Variants in AVEN observed in about 807,000 individuals in gnomAD.
AVEN encodes apoptosis and caspase activation inhibitor, also known as cell death regulator Aven.
AVEN carries 41 observed loss-of-function variants against 38.1 expected under a neutral mutation model. The observed-to-expected ratio is 1.08, with a 90% confidence interval of 0.84 to 1.40. AVEN has a LOEUF of 1.40. Among genes scored for constraint, AVEN ranks in the 40% most tolerant of loss-of-function variants. AVEN has a pLI of 0.00. For synonymous variants in AVEN, 206 were observed against 171.8 expected, an observed-to-expected ratio of 1.20 and a Z score of -1.56; for missense variants, 605 against 438.8, an observed-to-expected ratio of 1.38 and a Z score of -3.38.
At chr15:33,989,573 A>G (rs1567452249) in intron 2 of AVEN, among the ~76,000 whole-genome samples, 1 of 152,158 alleles carries the variant, frequency 6.6e-6, no homozygotes, top group Non-Finnish European at 1.5e-5. Flanking sequence ...ACTACTGAAA[A>G]GATGCCTTTC....
intron 2 of AVEN, among the ~76,000 whole-genome samples, chr15:33,959,777 G>T (rs1336759678): frequency 6.6e-6 from 1 of 152,174 alleles, no homozygotes; most frequent in Non-Finnish European, 1.5e-5. Flanking sequence ...GTTTAGTGGA[G>T]ATCAGAAAGA....
Position 33,870,642 on chromosome 15 carries a change from C to T in AVEN, c.612+293G>A, listed in dbSNP as rs192047033. Among the ~76,000 whole-genome samples, 226 of 152,304 alleles carry T rather than the reference C, an allele frequency of 1.5e-3. 1 individual carries two copies. Among genetic ancestry groups the T allele is most frequent in the African/African-American group, 4.9e-3 (203 of 41,564 alleles). ...TCACCACTGTGTCCCTAGTGCCGAA[C>T]ATAGAGCGTGATGCGTAAATATTTT... On this transcript the variant is annotated intron_variant, in intron 4 of 5. Transcript: ENST00000306730.
Position 33,866,280 on chromosome 15 carries a change from A to G in AVEN, c.*333T>C, listed in dbSNP as rs532541275. The stretch of plus-strand genomic sequence containing the variant: ...CCAAATGCATGCCTTGTTTGCATCT[A>G]TTCTCTTAATCAGCAGCAGCATCTG... On this transcript the variant is annotated 3_prime_UTR_variant, in exon 6 of 6. Transcript: ENST00000306730. 1 of 256,002 alleles carries G rather than the reference A, an allele frequency of 3.9e-6. No individual in the cohort carries two copies. Among genetic ancestry groups the G allele is most frequent in the East Asian group, 8.2e-5 (1 of 12,226 alleles). The allele number at this position is 256,002 out of a possible 1,614,324, so 15.9% of individuals were successfully genotyped here.
chr15:33,944,265 G>GA (rs1894426428), intron 2 of AVEN, among the ~76,000 whole-genome samples: 3 of 152,148 alleles, frequency 2.0e-5, no homozygotes, highest in Admixed American at 2.0e-4. Flanking sequence ...GGTAACTGAA[G>GA]AAGAATATAG....
intron 1 of AVEN, among the ~76,000 whole-genome samples, chr15:34,013,932 T>A (rs1897750213): frequency 6.6e-6 from 1 of 152,204 alleles, no homozygotes; most frequent in Non-Finnish European, 1.5e-5. Context: ...GCCTGCTGAC[T>A]CTTCCCAACC....
chr15:33,903,211 C>T (rs1464014884), intron 2 of AVEN, among the ~76,000 whole-genome samples: 3 of 152,210 alleles, frequency 2.0e-5, no homozygotes, highest in African/African-American at 7.2e-5. Context: ...AGAATCCATT[C>T]TTAGTATTAT....
Position 34,063,596 on chromosome 15 carries a change from T to A in AVEN, n.1127-164A>T. 6.2e-7 allele frequency: 1 copy of A among 1,613,878 alleles called. No individual in the cohort carries two copies. Among genetic ancestry groups the A allele is most frequent in the Non-Finnish European group, 8.5e-7 (1 of 1,180,022 alleles). ...CCCAAGCCACTGGCCCAAGCGCCAA[T>A]TGGGCCAAAGCTGAGCAGCTCACCA... On this transcript the variant is annotated intron_variant and non_coding_transcript_variant, in intron 4 of 11. Transcript: ENST00000675287. This position sits in a 1 kb window ranked among gnomAD's most constrained non-coding sequence, Gnocchi z 4.1.
intron 2 of AVEN, among the ~76,000 whole-genome samples, chr15:33,983,073 G>A (rs1031490046): frequency 6.6e-6 from 1 of 151,580 alleles, no homozygotes; most frequent in Non-Finnish European, 1.5e-5. Context: ...GATTTTAGAC[G>A]TGGATATATA....
chr15:33,922,749 A>C (rs1424107722), intron 2 of AVEN, among the ~76,000 whole-genome samples: 1 of 151,984 alleles, frequency 6.6e-6, no homozygotes, highest in Admixed American at 6.6e-5. Context: ...TGATTTGACA[A>C]CCTAATTCTC....
chr15:34,063,142 G>A lies in AVEN; in HGVS notation n.1417C>T, dbSNP rs1226004026. On this transcript the variant is annotated non_coding_transcript_exon_variant, in exon 5 of 12. Coordinates refer to the AVEN transcript ENST00000675287. This position sits in a 1 kb window ranked among gnomAD's most constrained non-coding sequence, Gnocchi z 4.1. The stretch of plus-strand genomic sequence containing the variant: ...AGACCCTTGACATATCGGGCCAAGC[G>A]TACTCCGAAAAGGGCTGGCATCATG... 8.7e-6 allele frequency: 14 copies of A among 1,614,098 alleles called. No homozygotes were observed. The highest frequency in any genetic ancestry group is 4.5e-5 in the East Asian group (2 of 44,876).
At chr15:34,030,899 T>C (rs1188980034) in intron 1 of AVEN, among the ~76,000 whole-genome samples, 1 of 152,120 alleles carries the variant, frequency 6.6e-6, no homozygotes, top group Non-Finnish European at 1.5e-5. Context: ...ATTACAGGTA[T>C]GAGCCACTAC....
chr15:34,074,546 G>A (rs77699087), exon 1 of AVEN, among the ~76,000 whole-genome samples: 3,921 of 152,150 alleles, frequency 0.026, 171 homozygotes, highest in African/African-American at 0.088. Context: ...CTAGCTTCTG[G>A]TAGTCTTGTG....
At chr15:34,038,731 C>G (rs1335870216) in intron 1 of AVEN, 49 bp downstream of exon 1, 1 of 1,134,946 alleles carries the variant, frequency 8.8e-7, no homozygotes, top group Non-Finnish European at 1.1e-6. Context: ...CTCGGCCCCA[C>G]TTGCCCCAGT....
chr15:34,064,377 A>G (rs540008467), intron 4 of AVEN: 2 of 1,498,488 alleles, frequency 1.3e-6, no homozygotes, highest in African/African-American at 2.8e-5. Context: ...GAGGATGAGC[A>G]AGCTGATTCT....
At chr15:34,001,015 T>C (rs1451185266) in intron 2 of AVEN, among the ~76,000 whole-genome samples, 3 of 143,288 alleles carry the variant, frequency 2.1e-5, no homozygotes, top group Admixed American at 2.1e-4. Context: ...TAGGTTGGAC[T>C]AGAATTTTTT....
intron 2 of AVEN, among the ~76,000 whole-genome samples, chr15:33,989,828 G>C (rs1896641096): frequency 6.6e-6 from 1 of 151,136 alleles, no homozygotes. Context: ...ATTTTTTTAA[G>C]GAGAGGTATG....
At chr15:34,021,345 G>C (rs918746184) in intron 1 of AVEN, among the ~76,000 whole-genome samples, 30 of 151,730 alleles carry the variant, frequency 2.0e-4, no homozygotes, top group African/African-American at 7.3e-4. Flanking sequence ...GAGTACAATG[G>C]CGCCATCTTG....
At chr15:33,912,252 G>A (rs907512072) in intron 2 of AVEN, among the ~76,000 whole-genome samples, 1 of 152,006 alleles carries the variant, frequency 6.6e-6, no homozygotes, top group Non-Finnish European at 1.5e-5. Flanking sequence ...ATAAATATTA[G>A]TGCTCCCTAC....
At chr15:34,045,083 T>G (rs1567486648) in intron 5 of AVEN, among the ~76,000 whole-genome samples, 2 of 152,134 alleles carry the variant, frequency 1.3e-5, no homozygotes, top group African/African-American at 4.8e-5. Context: ...TAAAGTAATT[T>G]AATGACCTCA....
Sources: allele counts gnomAD v4.1 joint callset (sites outside exome capture counted in the v4.1 genomes callset), GRCh38; gene constraint gnomAD v4.1.1; non-coding constraint Gnocchi (gnomAD v3.1); transcripts MANE v1.5; gene names NCBI Gene and HGNC (gene_info 2026-07-23, HGNC 2026-07-21).